The following MBOAT2 variants were observed in gnomAD, a reference collection of about 807,000 sequenced individuals.
MBOAT2 encodes membrane-bound glycerophospholipid O-acyltransferase 2.
Under a neutral mutation model 63.4 loss-of-function variants are expected in MBOAT2, and 28 were observed. The ratio of observed to expected loss-of-function variants is 0.44; its 90% CI spans 0.33 to 0.61. MBOAT2 has a LOEUF of 0.61. Among genes scored for constraint, MBOAT2 ranks in the 20% least tolerant of loss-of-function variants. MBOAT2 has a pLI of 0.03. For missense variants in MBOAT2, 470 were observed against 605.8 expected (o/e 0.78, Z 2.35); for synonymous variants, 211 against 215.6 (o/e 0.98, Z 0.19).
chr2:8,945,305 T>G (rs1464933517), intron 2 of MBOAT2, among the ~76,000 whole-genome samples: 1 of 152,172 alleles, frequency 6.6e-6, no homozygotes, highest in Non-Finnish European at 1.5e-5. Context: ...ACTCAATGAA[T>G]GCACTGGTGA....
chr2:8,909,392 G>A (rs1665548445), intron 3 of MBOAT2, among the ~76,000 whole-genome samples: 1 of 152,142 alleles, frequency 6.6e-6, no homozygotes, highest in African/African-American at 2.4e-5. Context: ...CACAGTCTGG[G>A]TGGGGAAAAG....
chr2:8,871,599 A>G (rs1662330942), intron 8 of MBOAT2, among the ~76,000 whole-genome samples: 1 of 152,228 alleles, frequency 6.6e-6, no homozygotes, highest in Non-Finnish European at 1.5e-5. Flanking sequence ...AAATTTGGCT[A>G]CAATAAAAAT....
chr2:8,949,042 G>T (rs967293730), intron 2 of MBOAT2, among the ~76,000 whole-genome samples: 2 of 152,214 alleles, frequency 1.3e-5, no homozygotes, highest in African/African-American at 4.8e-5. Context: ...TGACTGGTAT[G>T]AGATGGTATC....
chr2:8,893,604 C>T (rs1442720224), intron 4 of MBOAT2, among the ~76,000 whole-genome samples: 2 of 152,178 alleles, frequency 1.3e-5, no homozygotes, highest in East Asian at 3.8e-4. Flanking sequence ...GCCAGTGGCG[C>T]TGAAGGGACC....
chr2:8,995,178 C>A (rs972393064), intron 1 of MBOAT2, among the ~76,000 whole-genome samples: 4 of 152,082 alleles, frequency 2.6e-5, no homozygotes, highest in African/African-American at 9.7e-5. Context: ...TTGCAGTGAG[C>A]CGAGATTGAG....
chr2:8,987,720 A>G (rs1042684477), intron 1 of MBOAT2, among the ~76,000 whole-genome samples: 4 of 152,160 alleles, frequency 2.6e-5, no homozygotes, highest in Non-Finnish European at 5.9e-5. Context: ...ACACCTACAC[A>G]AGGCATCTTT....
intron 2 of MBOAT2, among the ~76,000 whole-genome samples, chr2:8,948,714 TACC>T (rs1419194877): frequency 6.6e-6 from 1 of 152,242 alleles, no homozygotes; most frequent in Non-Finnish European, 1.5e-5. Flanking sequence ...GGTGTATATG[TACC>T]ACATTTTCTT....
chr2:8,975,071 A>G (rs1466466422), intron 1 of MBOAT2, among the ~76,000 whole-genome samples: 1 of 152,168 alleles, frequency 6.6e-6, no homozygotes, highest in Non-Finnish European at 1.5e-5. Flanking sequence ...AGTGCTTTCT[A>G]TAAACCAACA....
At chr2:8,921,418 A>G (rs1033649481) in intron 3 of MBOAT2, among the ~76,000 whole-genome samples, 4 of 152,194 alleles carry the variant, frequency 2.6e-5, no homozygotes, top group African/African-American at 9.7e-5. Flanking sequence ...CATATTTTAC[A>G]ATACCAAATA....
intron 2 of MBOAT2, among the ~76,000 whole-genome samples, chr2:8,951,387 T>C (rs1007452282): frequency 2.0e-5 from 3 of 152,138 alleles, no homozygotes; most frequent in Non-Finnish European, 2.9e-5. Flanking sequence ...GTGTTTTTAG[T>C]AGAGATGGGG....
intron 1 of MBOAT2, among the ~76,000 whole-genome samples, chr2:8,977,375 T>A (rs1337039023): frequency 6.6e-6 from 1 of 152,150 alleles, no homozygotes; most frequent in African/African-American, 2.4e-5. Context: ...TGAATACAGA[T>A]GTGGAATACT....
chr2:8,919,155 G>A (rs1339028048), intron 3 of MBOAT2, among the ~76,000 whole-genome samples: 1 of 152,168 alleles, frequency 6.6e-6, no homozygotes, highest in African/African-American at 2.4e-5. Context: ...CCTTTCACCA[G>A]CCGGTGAATA....
chr2:8,962,502 C>G lies in MBOAT2; in HGVS notation c.76-3860G>C, dbSNP rs570392288. Among the ~76,000 whole-genome samples the G allele has an allele frequency of 9.7e-4, 147 of 152,074 alleles. 1 individual carries two copies. The highest frequency in any genetic ancestry group is 1.1e-3 in the Non-Finnish European group (75 of 68,030). The stretch of plus-strand genomic sequence containing the variant: ...CTTCTCGGCCAGAACACTTAACTGC[C>G]AGAACAAGAATCTTCAGAGTTGTTC... On this transcript the variant is annotated intron_variant, in intron 1 of 12. Transcript: ENST00000305997.
At chr2:8,969,782 T>C (rs368208704) in intron 1 of MBOAT2, among the ~76,000 whole-genome samples, 10 of 152,060 alleles carry the variant, frequency 6.6e-5, no homozygotes, top group East Asian at 1.9e-4. Context: ...AAGGCCATTA[T>C]ATAATGGTAA....
intron 6 of MBOAT2, among the ~76,000 whole-genome samples, chr2:8,880,236 G>A (rs1278287090): frequency 6.6e-6 from 1 of 152,002 alleles, no homozygotes; most frequent in Non-Finnish European, 1.5e-5. Context: ...TTTGTACTGG[G>A]ATGTGACGGG....
Position 8,961,891 on chromosome 2 carries a change from C to G in MBOAT2, c.76-3249G>C, listed in dbSNP as rs568111031. Among the ~76,000 whole-genome samples the G allele has an allele frequency of 1.6e-3, 237 of 152,166 alleles. 3 individuals carry two copies. Among genetic ancestry groups the G allele is most frequent in the South Asian group, 4.2e-3 (20 of 4,814 alleles). The stretch of plus-strand genomic sequence containing the variant: ...CCTTAGAACTTCACTTCTCCACAGC[C>G]AGGCTCCCTGCCCAGATTCATGCCA... On this transcript the variant is annotated intron_variant, in intron 1 of 12. Coordinates refer to ENST00000305997, the MANE Select transcript of MBOAT2 (RefSeq NM_138799.4).
At chr2:8,895,634 C>A (rs897618722) in intron 4 of MBOAT2, among the ~76,000 whole-genome samples, 3 of 152,192 alleles carry the variant, frequency 2.0e-5, no homozygotes, top group African/African-American at 7.2e-5. Flanking sequence ...ACCTCTCAAT[C>A]CCCCCTCTAA....
chr2:8,887,782 T>C (rs2148549609), intron 5 of MBOAT2, among the ~76,000 whole-genome samples: 1 of 152,326 alleles, frequency 6.6e-6, no homozygotes, highest in East Asian at 1.9e-4. Flanking sequence ...GTGGGCCATA[T>C]GACTAAATCA....
At chr2:8,980,623 C>T (rs1204130092) in intron 1 of MBOAT2, among the ~76,000 whole-genome samples, 1 of 152,102 alleles carries the variant, frequency 6.6e-6, no homozygotes, top group African/African-American at 2.4e-5. Context: ...AAACAGGCAA[C>T]TGTTCAAAAA....
Sources: allele counts gnomAD v4.1 joint callset (sites outside exome capture counted in the v4.1 genomes callset), GRCh38; gene constraint gnomAD v4.1.1; transcripts MANE v1.5; gene names NCBI Gene and HGNC (gene_info 2026-07-23, HGNC 2026-07-21).